The following MAD1L1 variants were observed in gnomAD, a reference collection of about 807,000 sequenced individuals.
MAD1L1 encodes mitotic arrest deficient 1 like 1.
A neutral mutation model predicts 96.9 loss-of-function variants in MAD1L1; 95 were observed. The ratio of observed to expected loss-of-function variants is 0.98; its 90% CI spans 0.83 to 1.16. MAD1L1 has a LOEUF of 1.16. MAD1L1 is among the 50% of genes most tolerant of loss of function. MAD1L1 has a pLI of 0.00. For missense variants in MAD1L1, 1,007 were observed against 954.4 expected (o/e 1.06, Z -0.73); for synonymous variants, 473 against 396.6 (o/e 1.19, Z -2.29).
chr7:1,996,397 C>T (rs1023039936), intron 14 of MAD1L1, among the ~76,000 whole-genome samples: 11 of 152,090 alleles, frequency 7.2e-5, no homozygotes, highest in South Asian at 2.1e-4. Context: ...GAAGCTCCGC[C>T]GGTGTCCTCA....
intron 10 of MAD1L1, among the ~76,000 whole-genome samples, chr7:2,185,642 C>CT (rs761796535): frequency 6.6e-6 from 1 of 151,542 alleles, no homozygotes; most frequent in East Asian, 1.9e-4. Flanking sequence ...TTTTTTTTTC[C>CT]TTTTTTTAAT....
At chr7:1,821,006 A>G (rs528723845) in intron 18 of MAD1L1, among the ~76,000 whole-genome samples, 100 of 144,014 alleles carry the variant, frequency 6.9e-4, no homozygotes, top group African/African-American at 2.5e-3. Context: ...GCATGAACCC[A>G]GGAGGCGGAG....
At chr7:2,177,813 G>C (rs1791015456) in intron 10 of MAD1L1, among the ~76,000 whole-genome samples, 2 of 152,206 alleles carry the variant, frequency 1.3e-5, no homozygotes, top group Non-Finnish European at 2.9e-5. Context: ...TCACAGGCCA[G>C]AGTTTGCATC....
At chr7:2,192,600 T>C (rs1238546356) in intron 10 of MAD1L1, among the ~76,000 whole-genome samples, 1 of 152,212 alleles carries the variant, frequency 6.6e-6, no homozygotes, top group African/African-American at 2.4e-5. Flanking sequence ...AGTGTGACTA[T>C]GCCCCAGGCT....
intron 18 of MAD1L1, among the ~76,000 whole-genome samples, chr7:1,889,908 C>T (rs1037178014): frequency 1.3e-5 from 2 of 152,218 alleles, no homozygotes; most frequent in Admixed American, 6.5e-5. Flanking sequence ...TGCCACAGCT[C>T]GTCAGGGGCC....
chr7:2,183,973 G>A (rs1041031097), intron 10 of MAD1L1, among the ~76,000 whole-genome samples: 18 of 151,958 alleles, frequency 1.2e-4, no homozygotes, highest in Non-Finnish European at 2.1e-4. Flanking sequence ...GAACTCAGCC[G>A]GGCGCAGTGG....
chr7:2,008,775 G>C (rs915831805), intron 13 of MAD1L1, among the ~76,000 whole-genome samples: 1 of 145,892 alleles, frequency 6.9e-6, no homozygotes, highest in East Asian at 2.0e-4. Flanking sequence ...AAGCTCAGGG[G>C]GGGAAGGAAC....
At chr7:2,199,148 T>C (rs929617682) in intron 10 of MAD1L1, among the ~76,000 whole-genome samples, 4 of 152,230 alleles carry the variant, frequency 2.6e-5, no homozygotes, top group Admixed American at 2.0e-4. Flanking sequence ...AGCAGATCCC[T>C]GCCAAAATGG....
chr7:2,168,701 C>G (rs1191260140), intron 10 of MAD1L1, among the ~76,000 whole-genome samples: 3 of 152,270 alleles, frequency 2.0e-5, no homozygotes, highest in African/African-American at 7.2e-5. Flanking sequence ...AGGCACAGGA[C>G]GATACTCCCG....
rs536308158 is a variant in MAD1L1, at chr7:1,850,972, C to T, written c.1999-34744G>A. On this transcript the variant is annotated intron_variant, in intron 18 of 18. Transcript: ENST00000265854. ...GAGACACGAGAAGGGCCTGGCGTCG[C>T]GTCCGTGGGTCGAGGACCACAAATG... Among the ~76,000 whole-genome samples the T allele has an allele frequency of 8.3e-4, 127 of 152,332 alleles. 2 individuals are homozygous for T. The highest frequency in any genetic ancestry group is 3.5e-3 in the Admixed American group (54 of 15,310).
intron 16 of MAD1L1, among the ~76,000 whole-genome samples, chr7:1,944,167 C>A (rs1779123098): frequency 1.3e-5 from 2 of 152,132 alleles, no homozygotes; most frequent in African/African-American, 2.4e-5. Context: ...AACAGACAGA[C>A]CCACAGAGGC....
chr7:1,867,320 G>C (rs1002417254), intron 18 of MAD1L1, among the ~76,000 whole-genome samples: 1 of 150,760 alleles, frequency 6.6e-6, no homozygotes, highest in African/African-American at 2.4e-5. Flanking sequence ...GGACAAGGAA[G>C]AGGTGCTGGC....
intron 10 of MAD1L1, among the ~76,000 whole-genome samples, chr7:2,208,990 C>T (rs748314777): frequency 1.6e-4 from 24 of 152,244 alleles, no homozygotes; most frequent in Admixed American, 2.6e-4. Context: ...CCACACCACA[C>T]TCCCGGCACT....
intron 13 of MAD1L1, among the ~76,000 whole-genome samples, chr7:2,010,746 C>T (rs370830832): frequency 2.2e-4 from 33 of 152,202 alleles, no homozygotes; most frequent in African/African-American, 7.5e-4. Flanking sequence ...GATGCTGCAT[C>T]CTCCCGCTGG....
intron 10 of MAD1L1, among the ~76,000 whole-genome samples, chr7:2,167,414 T>C (rs1584470734): frequency 6.6e-6 from 1 of 152,022 alleles, no homozygotes; most frequent in Non-Finnish European, 1.5e-5. Flanking sequence ...CCGGGCATGG[T>C]GGCGGGCGCC....
At chr7:2,201,846 C>T (rs1287036474) in intron 10 of MAD1L1, 3 of 152,352 alleles carry the variant, frequency 2.0e-5, no homozygotes, top group Non-Finnish European at 4.4e-5. Flanking sequence ...CCTGCCCGAC[C>T]GTACCTGGAA....
chr7:2,222,237 G>A (rs948249375), intron 5 of MAD1L1, among the ~76,000 whole-genome samples: 28 of 152,004 alleles, frequency 1.8e-4, no homozygotes, highest in Middle Eastern at 3.4e-3. Flanking sequence ...GCACCACCAC[G>A]CATGGCTAAT....
At chr7:1,982,848 A>G (rs1356985949) in intron 14 of MAD1L1, among the ~76,000 whole-genome samples, 1 of 152,052 alleles carries the variant, frequency 6.6e-6, no homozygotes, top group African/African-American at 2.4e-5. Context: ...TCAAATAGGT[A>G]TTTTCTATCA....
intron 10 of MAD1L1, among the ~76,000 whole-genome samples, chr7:2,158,450 G>T (rs1014691496): frequency 3.9e-5 from 6 of 152,204 alleles, no homozygotes; most frequent in Non-Finnish European, 8.8e-5. Flanking sequence ...AATCCACAGG[G>T]CCTAGGACCA....
Sources: gnomAD v4.1 joint callset for allele counts (sites outside exome capture counted in the v4.1 genomes callset) on GRCh38, gnomAD v4.1.1 for gene constraint, MANE v1.5 for transcripts, NCBI Gene and HGNC (gene_info 2026-07-23, HGNC 2026-07-21) for gene names.